PABPC4L: variants seen among roughly 807,000 people sequenced by gnomAD.
PABPC4L encodes the protein polyadenylate-binding protein 4-like.
For synonymous variants in PABPC4L, 169 were observed against 164.1 expected (o/e 1.03, Z -0.23); for missense variants, 452 against 451.4 (o/e 1.00, Z -0.01).
At chr4:134,068,677 T>C in the PABPC4L span, among the ~76,000 whole-genome samples, 4 of 151,984 alleles carry the variant, frequency 2.6e-5, no homozygotes, top group African/African-American at 9.7e-5. Context: ...CATATTTCTA[T>C]ATTTAGCACT....
At chr4:134,058,465 A>G in the PABPC4L span, among the ~76,000 whole-genome samples, 1 of 151,954 alleles carries the variant, frequency 6.6e-6, no homozygotes, top group Non-Finnish European at 1.5e-5. Context: ...TTAGGCTTTA[A>G]AGATGTTAGA....
At chr4:134,061,665 G>C in the PABPC4L span, among the ~76,000 whole-genome samples, 1 of 145,772 alleles carries the variant, frequency 6.9e-6, no homozygotes, top group Admixed American at 6.8e-5. Flanking sequence ...AGAGATTGGA[G>C]ATATTAAACA....
chr4:134,066,307 T>C, the PABPC4L span, among the ~76,000 whole-genome samples: 3 of 152,068 alleles, frequency 2.0e-5, no homozygotes, highest in African/African-American at 7.2e-5. Context: ...TTTGTGGCTA[T>C]TGTAGAAGGC....
At chr4:134,098,729 A>G in the PABPC4L span, among the ~76,000 whole-genome samples, 65 of 151,830 alleles carry the variant, frequency 4.3e-4, no homozygotes, top group African/African-American at 1.4e-3. Context: ...AGACTACCCA[A>G]TGATTTAGAT....
chr4:134,112,572 A>G, the PABPC4L span, among the ~76,000 whole-genome samples: 1 of 43,518 alleles, frequency 2.3e-5, no homozygotes, highest in Non-Finnish European at 4.8e-5. Context: ...CCACGTAACT[A>G]TCTATCTATC....
the PABPC4L span, among the ~76,000 whole-genome samples, chr4:134,119,468 G>A: frequency 6.6e-6 from 1 of 151,746 alleles, no homozygotes; most frequent in Middle Eastern, 3.4e-3. Context: ...GGGAAATAAT[G>A]TGAGAAGGAA....
At chr4:134,007,932 A>C in the PABPC4L span, among the ~76,000 whole-genome samples, 2 of 151,804 alleles carry the variant, frequency 1.3e-5, no homozygotes, top group Non-Finnish European at 3.0e-5. Context: ...TTAAAAGAGA[A>C]ATAGTAAATC....
At chr4:134,078,843 T>G in the PABPC4L span, among the ~76,000 whole-genome samples, 1 of 151,362 alleles carries the variant, frequency 6.6e-6, no homozygotes, top group Non-Finnish European at 1.5e-5. Context: ...TTTTTCTTTT[T>G]TTTTAGTCGA....
At chr4:134,010,627 A>G in the PABPC4L span, 1 of 152,136 alleles carries the variant, frequency 6.6e-6, no homozygotes. Context: ...TGTGTCTCCA[A>G]CATCTCTAGG....
chr4:134,165,334 T>A, the PABPC4L span, among the ~76,000 whole-genome samples: 14 of 151,988 alleles, frequency 9.2e-5, no homozygotes, highest in Non-Finnish European at 1.9e-4. Context: ...GTAATCATCA[T>A]AGTAAAGAGA....
chr4:134,105,765 C>T, the PABPC4L span, among the ~76,000 whole-genome samples: 2 of 151,506 alleles, frequency 1.3e-5, no homozygotes, highest in Admixed American at 6.6e-5. Context: ...AGAAAGGTGG[C>T]TGTAGAAAGT....
chr4:134,043,824 A>T, the PABPC4L span, among the ~76,000 whole-genome samples: 3 of 152,100 alleles, frequency 2.0e-5, no homozygotes, highest in Non-Finnish European at 4.4e-5. Context: ...TCAAATACAA[A>T]TCTGAGTGTA....
At chr4:134,091,095 T>C in the PABPC4L span, among the ~76,000 whole-genome samples, 2,144 of 152,196 alleles carry the variant, frequency 0.014, 44 homozygotes, top group African/African-American at 0.048. Flanking sequence ...TATGTTAACA[T>C]AGAGAAGACT....
chr4:133,988,753 TG>T, the PABPC4L span, among the ~76,000 whole-genome samples: 5 of 152,160 alleles, frequency 3.3e-5, no homozygotes, highest in Non-Finnish European at 4.4e-5. Context: ...GTGTGCCAGT[TG>T]GGACCCTGTG....
At chr4:134,040,347 C>A in the PABPC4L span, among the ~76,000 whole-genome samples, 2 of 152,070 alleles carry the variant, frequency 1.3e-5, no homozygotes, top group East Asian at 3.9e-4. Flanking sequence ...CTACAGTAAC[C>A]AAAACAGCAT....
the PABPC4L span, among the ~76,000 whole-genome samples, chr4:134,145,980 A>G: frequency 6.6e-6 from 1 of 152,038 alleles, no homozygotes; most frequent in African/African-American, 2.4e-5. Flanking sequence ...GTAATTTGAT[A>G]TTTATACATC....
At chr4:134,008,540 G>A in the PABPC4L span, among the ~76,000 whole-genome samples, 1 of 151,584 alleles carries the variant, frequency 6.6e-6, no homozygotes, top group South Asian at 2.1e-4. Context: ...TTAAATTATA[G>A]AAAGGGGTGA....
the PABPC4L span, among the ~76,000 whole-genome samples, chr4:134,035,040 GTCAC>G: frequency 6.6e-6 from 1 of 151,906 alleles, no homozygotes; most frequent in Non-Finnish European, 1.5e-5. Context: ...AATTGCCACA[GTCAC>G]TCAATCTTCT....
chr4:134,160,241 C>T, the PABPC4L span, among the ~76,000 whole-genome samples: 1 of 152,106 alleles, frequency 6.6e-6, no homozygotes, highest in South Asian at 2.1e-4. Context: ...CATATTACCC[C>T]TTACCAAACT....
Sources: allele counts gnomAD v4.1 joint callset (sites outside exome capture counted in the v4.1 genomes callset), GRCh38; gene constraint gnomAD v4.1.1; transcripts MANE v1.5; gene names NCBI Gene and HGNC (gene_info 2026-07-23, HGNC 2026-07-21).